The following LARP4B variants were observed in gnomAD, a reference collection of about 807,000 sequenced individuals.
LARP4B encodes the protein la-related protein 4B.
A neutral mutation model predicts 89.8 loss-of-function variants in LARP4B; 12 were observed. The observed-to-expected ratio is 0.13, with a 90% confidence interval of 0.09 to 0.22. The LOEUF is 0.22. Among genes scored for constraint, LARP4B ranks in the 10% least tolerant of loss-of-function variants. LARP4B has a pLI of 1.00. For missense variants in LARP4B, 757 were observed against 947.7 expected, an observed-to-expected ratio of 0.80 and a Z score of 2.64; for synonymous variants, 367 against 363.3, an observed-to-expected ratio of 1.01 and a Z score of -0.12.
the LARP4B span, among the ~76,000 whole-genome samples, chr10:957,971 G>A: frequency 1.2e-4 from 18 of 151,840 alleles, 1 homozygote; most frequent in South Asian, 1.0e-3. Flanking sequence ...TGATTTTTGC[G>A]TTGTTTGTAG....
Position 822,525 on chromosome 10 carries a change from C to T in LARP4B, c.1485-1680G>A, listed in dbSNP as rs1832409245. ...AACACTCCCCCACACCCTCACTGGG[C>T]TCCACGTAACCCGTGTCAGACCCAG... On this transcript the variant is annotated intron_variant, in intron 13 of 17. Transcript: ENST00000316157. The surrounding 1 kb of genome is among the most constrained non-coding windows in gnomAD (Gnocchi z 4.6). Among the ~76,000 whole-genome samples the T allele has an allele frequency of 6.6e-6, 1 of 152,232 alleles. No individual in the cohort carries two copies. The highest frequency in any genetic ancestry group is 1.5e-5 in the Non-Finnish European group (1 of 68,044).
the LARP4B span, among the ~76,000 whole-genome samples, chr10:944,873 A>G: frequency 6.6e-6 from 1 of 152,336 alleles, no homozygotes; most frequent in East Asian, 1.9e-4. Flanking sequence ...GAATCTCAGG[A>G]GTGCATTACA....
the LARP4B span, among the ~76,000 whole-genome samples, chr10:956,497 C>G: frequency 6.6e-6 from 1 of 152,092 alleles, no homozygotes; most frequent in African/African-American, 2.4e-5. This position sits in a 1 kb window ranked among gnomAD's most constrained non-coding sequence, Gnocchi z 4.3. Context: ...AGGCGCCCGC[C>G]ACCACGCCCA....
intron 3 of LARP4B, among the ~76,000 whole-genome samples, chr10:880,285 T>C (rs1835617356): frequency 2.6e-5 from 4 of 152,200 alleles, no homozygotes; most frequent in Admixed American, 1.3e-4. Flanking sequence ...TAATTAATAG[T>C]TATTCATTCA....
chr10:807,018 T>A (rs1462671334), downstream of LARP4B: 2 of 152,070 alleles, frequency 1.3e-5, no homozygotes. Flanking sequence ...CACAGACAAC[T>A]CCCTTCAGAC....
rs555070659 is a variant in LARP4B at position 846,723 on chromosome 10, G to C, written c.431-1668C>G. On this transcript the variant is annotated intron_variant, in intron 5 of 17. Coordinates refer to ENST00000316157, the MANE Select transcript of LARP4B (RefSeq NM_015155.3). ...TAGACAGACTGTGCAGGCACCAGCC[G>C]GAAGATAATGCAATCACTGAGGACA... is the stretch of plus-strand genomic sequence containing the variant. Among the ~76,000 whole-genome samples the C allele has an allele frequency of 5.9e-5, 9 of 152,218 alleles. 2 individuals carry two copies. The South Asian group carries it at 1.9e-3, about 32-fold the overall frequency.
the LARP4B span, among the ~76,000 whole-genome samples, chr10:940,227 G>A: frequency 2.0e-5 from 3 of 152,144 alleles, no homozygotes; most frequent in African/African-American, 7.2e-5. Flanking sequence ...ATATTGGTCA[G>A]GCTGGTCTCA....
chr10:913,352 CA>C (rs1375613157), intron 1 of LARP4B, among the ~76,000 whole-genome samples: 1 of 152,116 alleles, frequency 6.6e-6, no homozygotes, highest in Non-Finnish European at 1.5e-5. Context: ...ATTTCACTAC[CA>C]AAATATATGA....
At chr10:933,959 A>G (rs550284778), upstream of LARP4B, among the ~76,000 whole-genome samples, 2 of 151,836 alleles carry the variant, frequency 1.3e-5, no homozygotes, top group East Asian at 3.9e-4. Flanking sequence ...CAGCCTCCGG[A>G]GTAGCTGAGA....
chr10:910,150 T>C (rs570404109), intron 1 of LARP4B, among the ~76,000 whole-genome samples: 2 of 152,362 alleles, frequency 1.3e-5, no homozygotes, highest in Admixed American at 6.5e-5. Flanking sequence ...CGATGAACAA[T>C]GTACAGCCAA....
intron 1 of LARP4B, among the ~76,000 whole-genome samples, chr10:896,041 G>A (rs1173471000): frequency 6.6e-6 from 1 of 151,250 alleles, no homozygotes; most frequent in African/African-American, 2.5e-5. Flanking sequence ...CCACGCAGGA[G>A]AAGCTGCCCA....
At chr10:845,749 T>C (rs969942229) in intron 5 of LARP4B, among the ~76,000 whole-genome samples, 30 of 152,206 alleles carry the variant, frequency 2.0e-4, no homozygotes, top group African/African-American at 6.3e-4. Flanking sequence ...ACTGCTGGAC[T>C]CCGGACACTG....
intron 3 of LARP4B, among the ~76,000 whole-genome samples, chr10:869,346 A>G (rs1835076536): frequency 6.6e-6 from 1 of 152,222 alleles, no homozygotes; most frequent in East Asian, 1.9e-4. Flanking sequence ...AAGGGCTCTG[A>G]CAACACTGCG....
chr10:963,304 T>C, the LARP4B span, among the ~76,000 whole-genome samples: 2 of 152,222 alleles, frequency 1.3e-5, no homozygotes, highest in Admixed American at 1.3e-4. Flanking sequence ...ACCGTGGATC[T>C]TTCTCACCCC....
At chr10:952,216 T>C in the LARP4B span, among the ~76,000 whole-genome samples, 57 of 151,494 alleles carry the variant, frequency 3.8e-4, no homozygotes, top group Admixed American at 1.1e-3. Flanking sequence ...GGCGGGCACC[T>C]GTAGTCCCAG....
At position 814,962 on chromosome 10, in the gene LARP4B, G is replaced by T; in HGVS notation, c.1804C>A (p.Pro602Thr). ...AATACTCACTCGGGTAAATGAGCTG[G>T]GGAGGGGGATCGCTCGTACGTTGCT... ...VSATYERSPS[P>T]AHLPDDPKVA... The change falls in exon 16 of 18, where the codon CCA becomes ACA. Residue 602 changes from proline (P) to threonine (T), a missense_variant. Transcript: ENST00000316157. The surrounding 1 kb of genome is among the most constrained non-coding windows in gnomAD (Gnocchi z 4.4). 2 of 1,600,768 alleles carry T rather than the reference G, an allele frequency of 1.2e-6. No homozygotes were observed. Among genetic ancestry groups the T allele is most frequent in the Non-Finnish European group, 1.7e-6 (2 of 1,171,654 alleles).
At chr10:838,908 G>A (rs541135833) in intron 7 of LARP4B, among the ~76,000 whole-genome samples, 43 of 152,262 alleles carry the variant, frequency 2.8e-4, no homozygotes, top group Admixed American at 2.3e-3. Flanking sequence ...GGGACATCCA[G>A]ACAATGAACT....
the LARP4B span, among the ~76,000 whole-genome samples, chr10:969,723 T>C: frequency 6.6e-6 from 1 of 151,914 alleles, no homozygotes; most frequent in Admixed American, 6.6e-5. Flanking sequence ...AGCAAGACTC[T>C]GTCTCAAAAA....
At chr10:880,376 T>A (rs1588957899) in intron 3 of LARP4B, among the ~76,000 whole-genome samples, 1 of 152,130 alleles carries the variant, frequency 6.6e-6, no homozygotes. Flanking sequence ...TATTACCATC[T>A]GTAAAGGAGT....
Sources: gnomAD v4.1 joint callset for allele counts (sites outside exome capture counted in the v4.1 genomes callset) on GRCh38, gnomAD v4.1.1 for gene constraint, Gnocchi (gnomAD v3.1) non-coding constraint, MANE v1.5 for transcripts, NCBI Gene and HGNC (gene_info 2026-07-23, HGNC 2026-07-21) for gene names.